Variants in SVIL observed in about 807,000 individuals in gnomAD.
SVIL encodes the protein supervillin, also known as archvillin.
Under a neutral mutation model 240.4 loss-of-function variants are expected in SVIL, and 101 were observed. That is an observed-to-expected ratio of 0.42 (90% CI 0.36 to 0.50). The LOEUF (loss-of-function observed/expected upper bound fraction) is 0.50. Among genes scored for constraint, SVIL ranks in the 20% least tolerant of loss-of-function variants. SVIL has a pLI of 0.01. For synonymous variants in SVIL, 999 were observed against 1,100.0 expected, an observed-to-expected ratio of 0.91 and a Z score of 1.82; for missense variants, 2,512 against 2,818.7, an observed-to-expected ratio of 0.89 and a Z score of 2.46.
intron 2 of SVIL, among the ~76,000 whole-genome samples, chr10:29,563,534 G>A (rs1037946297): frequency 6.6e-6 from 1 of 152,146 alleles, no homozygotes; most frequent in African/African-American, 2.4e-5. Context: ...GTGGTGTGAT[G>A]TGTGAAAACA....
chr10:29,558,931 A>AT (rs1491337826), intron 3 of SVIL, among the ~76,000 whole-genome samples: 1 of 50,264 alleles, frequency 2.0e-5, no homozygotes, highest in Non-Finnish European at 3.5e-5. Flanking sequence ...CTGCCTCGAA[A>AT]TATATATATA....
intron 1 of SVIL, among the ~76,000 whole-genome samples, chr10:29,725,705 C>G (rs1029754387): frequency 6.6e-6 from 1 of 152,142 alleles, no homozygotes; most frequent in South Asian, 2.1e-4. Context: ...GGCTCTGGGG[C>G]TCAGTCAGGC....
At position 29,499,306 on chromosome 10, in the gene SVIL, A is replaced by G. The variant is rs553556173; in HGVS notation, c.3517-43T>C. ...GAAGAGAAAACAGGAGAGAGAAATG[A>G]CAGCGGTGTGGACCTCAGCCTGCAG... On this transcript the variant is annotated intron_variant, in intron 17 of 37. Transcript: ENST00000355867. 16 of 1,612,648 alleles carry G rather than the reference A, an allele frequency of 9.9e-6. No homozygotes were observed. In the African/African-American group the frequency reaches 1.5e-4, roughly 15 times the overall value.
intron 9 of SVIL, 96 bp downstream of exon 9, chr10:29,531,906 C>T: frequency 7.3e-7 from 1 of 1,369,400 alleles, no homozygotes; most frequent in Non-Finnish European, 1.0e-6. Flanking sequence ...GAATCGCCAA[C>T]ATCCTATATA....
At chr10:29,573,922 C>T (rs540105561) in intron 1 of SVIL, among the ~76,000 whole-genome samples, 5 of 152,284 alleles carry the variant, frequency 3.3e-5, no homozygotes, top group South Asian at 2.1e-4. Flanking sequence ...TCTCGAACTC[C>T]GGACCTCAGG....
At chr10:29,522,234 G>C (rs1290155989) in intron 16 of SVIL, among the ~76,000 whole-genome samples, 176 bp downstream of exon 16, 2 of 152,136 alleles carry the variant, frequency 1.3e-5, no homozygotes, top group Non-Finnish European at 2.9e-5. Flanking sequence ...CATGAGCAAA[G>C]GCAGTTCACT....
intron 1 of SVIL, among the ~76,000 whole-genome samples, chr10:29,614,021 C>G (rs1355451524): frequency 1.3e-5 from 2 of 152,158 alleles, no homozygotes; most frequent in African/African-American, 4.8e-5. Context: ...AGGCACTGAG[C>G]TCAGCCTCCT....
intron 1 of SVIL, among the ~76,000 whole-genome samples, chr10:29,617,662 AC>A (rs1462317035): frequency 1.3e-5 from 2 of 152,170 alleles, no homozygotes; most frequent in Non-Finnish European, 2.9e-5. Flanking sequence ...GATGTAAACT[AC>A]TTTTTGGAGA....
intron 2 of SVIL, among the ~76,000 whole-genome samples, chr10:29,682,761 G>T (rs1234908143): frequency 6.6e-6 from 1 of 152,194 alleles, no homozygotes; most frequent in African/African-American, 2.4e-5. Context: ...TACAGGAATG[G>T]TCACAGGACA....
At chr10:29,496,322 T>C (rs1588983291) in intron 18 of SVIL, 5 of 444,516 alleles carry the variant, frequency 1.1e-5, no homozygotes, top group Non-Finnish European at 1.8e-5. Context: ...TTTCCATCCA[T>C]GAGAAAGTAA....
intron 17 of SVIL, among the ~76,000 whole-genome samples, chr10:29,512,174 G>T (rs1239194415): frequency 6.6e-6 from 1 of 152,206 alleles, no homozygotes; most frequent in African/African-American, 2.4e-5. Flanking sequence ...CATATGAAAT[G>T]CTTGCTAGTA....
chr10:29,659,713 C>A lies in SVIL; in HGVS notation c.-300-1645G>T, dbSNP rs557202360. Among the ~76,000 whole-genome samples the A allele has an allele frequency of 9.0e-4, 137 of 152,274 alleles. 1 individual carries two copies. The highest frequency in any genetic ancestry group is 1.7e-3 in the Non-Finnish European group (114 of 68,018). On this transcript the variant is annotated intron_variant, in intron 2 of 35. Coordinates refer to the SVIL transcript ENST00000375400. Reference sequence around the variant, plus strand: ...ATTGTCACCACTGCCTGGTGGAATTCAGACAGTCATGAACTCATTCTTGTA... The same window carrying A: ...ATTGTCACCACTGCCTGGTGGAATTAAGACAGTCATGAACTCATTCTTGTA...
rs1588958905 is a variant in SVIL at position 29,491,083 on chromosome 10, G to A, written c.4020-64C>T. 7.3e-6 allele frequency: 11 copies of A among 1,498,018 alleles called. No homozygotes were observed. The East Asian group carries it at 2.6e-4, about 36-fold the overall frequency. 92.8% of individuals were successfully genotyped at this position (1,498,018 alleles called of 1,614,324 possible). On this transcript the variant is annotated intron_variant, in intron 21 of 37. Transcript: ENST00000355867. ...ACCACCACCCCTGGATGACCTGGGG[G>A]TCTTGGACTCCACAAAGTATTTCCT...
intron 1 of SVIL, among the ~76,000 whole-genome samples, chr10:29,619,296 C>T (rs900651320): frequency 5.3e-5 from 8 of 152,184 alleles, no homozygotes; most frequent in South Asian, 2.1e-4. Flanking sequence ...CCTGCGGATG[C>T]GTATGTGAGG....
At position 29,524,537 on chromosome 10, in the gene SVIL, T is replaced by G; in HGVS notation, c.2521A>C (p.Thr841Pro). Residue 841 changes from threonine to proline, a missense_variant, in exon 14 of 38, where the codon ACG (threonine) becomes CCG (proline). By Grantham distance (38) the Thr-to-Pro change is conservative. Transcript: ENST00000355867. ...CGAGCGTTCATTCTCCTCTGTCTCG[T>G]GTCTATTCTGTTCCGGGTAGAAATC... is the stretch of plus-strand genomic sequence containing the variant. The part of the protein sequence containing the change: ...KAISTRNRID[T>P]RQRRMNARYQ... 6.2e-7 allele frequency: 1 copy of G among 1,614,158 alleles called. No individual in the cohort carries two copies.
chr10:29,529,594 C>T, intron 12 of SVIL, 111 bp downstream of exon 12: 1 of 1,308,790 alleles, frequency 7.6e-7, no homozygotes, highest in Admixed American at 3.3e-5. Flanking sequence ...TTCTCTGTGG[C>T]TTCTAGCTAA....
chr10:29,539,366 G>A (rs1003792720), intron 6 of SVIL, among the ~76,000 whole-genome samples: 7 of 152,112 alleles, frequency 4.6e-5, no homozygotes, highest in African/African-American at 1.4e-4. Flanking sequence ...GAAGTCATGC[G>A]ATTTTCAGCA....
intron 12 of SVIL, among the ~76,000 whole-genome samples, chr10:29,527,723 C>T (rs373390226): frequency 3.0e-4 from 41 of 135,256 alleles, no homozygotes; most frequent in African/African-American, 1.1e-3. Context: ...CTGGGCCCAG[C>T]CTTTTTTTTT....
chr10:29,625,643 T>C (rs1443481588), intron 1 of SVIL, among the ~76,000 whole-genome samples: 1 of 152,152 alleles, frequency 6.6e-6, no homozygotes, highest in East Asian at 1.9e-4. Flanking sequence ...TTTGTATTTT[T>C]AGTAGAGACG....
Sources: gnomAD v4.1 joint callset for allele counts (sites outside exome capture counted in the v4.1 genomes callset) on GRCh38, gnomAD v4.1.1 for gene constraint, MANE v1.5 for transcripts, NCBI Gene and HGNC (gene_info 2026-07-23, HGNC 2026-07-21) for gene names.